NDUFA5: variants seen among roughly 807,000 people sequenced by gnomAD.
The protein encoded by NDUFA5 is NADH dehydrogenase [ubiquinone] 1 alpha subcomplex subunit 5.
A neutral mutation model predicts 19.8 loss-of-function variants in NDUFA5; 11 were observed. The observed-to-expected ratio is 0.56, with a 90% confidence interval of 0.35 to 0.92. The LOEUF (loss-of-function observed/expected upper bound fraction) is 0.92, where lower values mean the gene tolerates loss of function less well. NDUFA5 is among the 40% of genes least tolerant of loss of function. NDUFA5 has a pLI of 0.01. For missense variants in NDUFA5, 109 were observed against 134.2 expected (o/e 0.81, Z 0.93); for synonymous variants, 47 against 46.8 (o/e 1.00, Z -0.01).
chr7:123,586,368 A>C, the NDUFA5 span, among the ~76,000 whole-genome samples: 1 of 151,786 alleles, frequency 6.6e-6, no homozygotes, highest in Non-Finnish European at 1.5e-5. Context: ...GGACACTTGT[A>C]TATCTTCTTT....
At chr7:123,588,964 T>C in the NDUFA5 span, among the ~76,000 whole-genome samples, 1 of 151,918 alleles carries the variant, frequency 6.6e-6, no homozygotes, top group East Asian at 1.9e-4. Context: ...TTAAATTTCT[T>C]AAGATTTCTT....
At chr7:123,546,483 T>C (rs1798137697) in intron 3 of NDUFA5, among the ~76,000 whole-genome samples, 1 of 152,196 alleles carries the variant, frequency 6.6e-6, no homozygotes, top group African/African-American at 2.4e-5. Flanking sequence ...AAGAACAAAA[T>C]GTTAATAAAT....
chr7:123,573,526 G>T, the NDUFA5 span, among the ~76,000 whole-genome samples: 23 of 151,994 alleles, frequency 1.5e-4, no homozygotes, highest in African/African-American at 5.6e-4. Context: ...GTGCTGATCT[G>T]TGAGGGCTTT....
At chr7:123,596,577 A>C in the NDUFA5 span, 6 of 152,254 alleles carry the variant, frequency 3.9e-5, no homozygotes, top group East Asian at 1.2e-3. Context: ...GTACCAGTGC[A>C]CTCCAGGCTA....
chr7:123,577,844 G>C, the NDUFA5 span, among the ~76,000 whole-genome samples: 256 of 152,182 alleles, frequency 1.7e-3, 1 homozygote, highest in East Asian at 0.04. Context: ...CTTTGTTTAT[G>C]AGTGTTCCTT....
At chr7:123,568,595 G>A in the NDUFA5 span, among the ~76,000 whole-genome samples, 22 of 151,656 alleles carry the variant, frequency 1.5e-4, no homozygotes, top group South Asian at 1.9e-3. Context: ...CACCTCACCC[G>A]TGCCATTTGG....
rs1797877836 is a variant in NDUFA5, at chr7:123,540,139, T to G, written c.*1980A>C. 6.6e-6 allele frequency: 1 copy of G among 152,152 alleles called. No homozygotes were observed. Among genetic ancestry groups the G allele is most frequent in the African/African-American group, 2.4e-5 (1 of 41,424 alleles). The allele number at this position is 152,152 out of a possible 1,614,324, so 9.4% of individuals were successfully genotyped here. A position where few individuals can be genotyped will look rare whatever the true frequency, so the allele number is the denominator to read the frequency against. On this transcript the variant is annotated 3_prime_UTR_variant, in exon 5 of 5. Coordinates refer to ENST00000355749, the MANE Select transcript of NDUFA5 (RefSeq NM_005000.5). ...GGGTTCTGGTTTCTTATCTGGAAAA[T>G]GAAGATAATTTGTAGTATCACTCTT...
the NDUFA5 span, among the ~76,000 whole-genome samples, chr7:123,582,368 C>A: frequency 6.6e-6 from 1 of 151,920 alleles, no homozygotes; most frequent in Admixed American, 6.6e-5. Context: ...ACAAATAACA[C>A]CACTACCCTA....
rs1334145123 is a variant in NDUFA5 at position 123,540,575 on chromosome 7, ATGT to A, written c.*1541_*1543del. 6.6e-6 allele frequency: 1 copy of A among 152,140 alleles called. No individual in the cohort carries two copies. Among genetic ancestry groups the A allele is most frequent in the East Asian group, 1.9e-4 (1 of 5,182 alleles). 9.4% of individuals were successfully genotyped at this position (152,140 alleles called of 1,614,324 possible). A position where few individuals can be genotyped will look rare whatever the true frequency, so the allele number is the denominator to read the frequency against. On this transcript the variant is annotated 3_prime_UTR_variant, in exon 5 of 5. Coordinates refer to ENST00000355749, the MANE Select transcript of NDUFA5 (RefSeq NM_005000.5). ...ATTCAAGAAATGTTTAGAACTGAAA[ATGT>A]TGTTATAAATCATATTCTATTTCTT...
the NDUFA5 span, among the ~76,000 whole-genome samples, chr7:123,569,223 A>C: frequency 6.6e-6 from 1 of 152,186 alleles, no homozygotes; most frequent in South Asian, 2.1e-4. Context: ...CGTAAATGGC[A>C]ATCTTGGCAA....
chr7:123,601,573 G>T, the NDUFA5 span, among the ~76,000 whole-genome samples: 1 of 152,268 alleles, frequency 6.6e-6, no homozygotes, highest in Admixed American at 6.5e-5. Flanking sequence ...TTAATTCCAA[G>T]TGGTTTGGTT....
chr7:123,564,913 A>ACACG, the NDUFA5 span, among the ~76,000 whole-genome samples: 1 of 151,724 alleles, frequency 6.6e-6, no homozygotes, highest in African/African-American at 2.4e-5. Flanking sequence ...ACACACACAC[A>ACACG]CACACACATA....
chr7:123,594,894 T>C, the NDUFA5 span, among the ~76,000 whole-genome samples: 1 of 151,988 alleles, frequency 6.6e-6, no homozygotes, highest in East Asian at 1.9e-4. Flanking sequence ...CCCCCAGAGG[T>C]GGAATCAAGA....
the NDUFA5 span, among the ~76,000 whole-genome samples, chr7:123,601,240 T>A: frequency 6.6e-6 from 1 of 152,174 alleles, no homozygotes; most frequent in African/African-American, 2.4e-5. Flanking sequence ...AAATCCCAAT[T>A]TTTTTGCTTG....
chr7:123,565,811 G>C, the NDUFA5 span, among the ~76,000 whole-genome samples: 1 of 152,182 alleles, frequency 6.6e-6, no homozygotes, highest in South Asian at 2.1e-4. Flanking sequence ...GAGGTCAGGA[G>C]TTTGAGACCA....
the NDUFA5 span, among the ~76,000 whole-genome samples, chr7:123,574,595 T>A: frequency 1.3e-5 from 2 of 152,144 alleles, no homozygotes; most frequent in African/African-American, 4.8e-5. Flanking sequence ...CTTCAGCCAT[T>A]TCCTACTGCC....
chr7:123,595,134 C>T, the NDUFA5 span, among the ~76,000 whole-genome samples: 4 of 152,194 alleles, frequency 2.6e-5, no homozygotes, highest in African/African-American at 9.6e-5. Flanking sequence ...GCCTAAATGA[C>T]ACTTATCCTA....
intron 2 of NDUFA5, among the ~76,000 whole-genome samples, chr7:123,553,352 G>C (rs1389235777): frequency 6.6e-6 from 1 of 152,190 alleles, no homozygotes; most frequent in Non-Finnish European, 1.5e-5. Flanking sequence ...CATGTGCAGG[G>C]GACCTGCCCT....
At chr7:123,564,494 G>A in the NDUFA5 span, among the ~76,000 whole-genome samples, 117 of 151,944 alleles carry the variant, frequency 7.7e-4, no homozygotes, top group African/African-American at 2.8e-3. Context: ...GAACCAGTGG[G>A]ATATTTAATA....
Sources: allele counts gnomAD v4.1 joint callset (sites outside exome capture counted in the v4.1 genomes callset), GRCh38; gene constraint gnomAD v4.1.1; transcripts MANE v1.5; gene names NCBI Gene and HGNC (gene_info 2026-07-23, HGNC 2026-07-21).